The following MAP3K20 variants were observed in gnomAD, a reference collection of about 807,000 sequenced individuals.
MAP3K20 encodes HCCS-4.
A neutral mutation model predicts 85.7 loss-of-function variants in MAP3K20; 40 were observed. That is an observed-to-expected ratio of 0.47 (90% CI 0.36 to 0.61). MAP3K20 has a LOEUF of 0.61. Among genes scored for constraint, MAP3K20 ranks in the 20% least tolerant of loss-of-function variants. The pLI is 0.00. For synonymous variants in MAP3K20, 325 were observed against 327.7 expected (o/e 0.99, Z 0.09); for missense variants, 817 against 961.7 (o/e 0.85, Z 1.99).
At chr2:173,076,970 T>C (rs895218296) in intron 1 of MAP3K20, among the ~76,000 whole-genome samples, 1 of 152,262 alleles carries the variant, frequency 6.6e-6, no homozygotes, top group South Asian at 2.1e-4. Flanking sequence ...GAAAATGTTA[T>C]GTTTCTGATG....
intron 2 of MAP3K20, among the ~76,000 whole-genome samples, chr2:173,111,263 A>G (rs1354547914): frequency 6.6e-6 from 1 of 151,942 alleles, no homozygotes; most frequent in Non-Finnish European, 1.5e-5. Context: ...TCCTTAGCCC[A>G]CTTTTTATGG....
intron 2 of MAP3K20, among the ~76,000 whole-genome samples, chr2:173,129,369 A>G (rs1156722151): frequency 1.3e-5 from 2 of 152,206 alleles, no homozygotes; most frequent in African/African-American, 2.4e-5. Context: ...GGTAAGCACT[A>G]TCATAGCTCA....
At chr2:173,242,177 A>AT (rs111864866) in intron 16 of MAP3K20, among the ~76,000 whole-genome samples, 20,375 of 142,600 alleles carry the variant, frequency 0.14, 1,590 homozygotes, top group African/African-American at 0.2. Flanking sequence ...AGAAAAAAAA[A>AT]TTTTTTTTTT....
At chr2:173,142,989 C>T (rs963605924) in intron 2 of MAP3K20, among the ~76,000 whole-genome samples, 1 of 151,234 alleles carries the variant, frequency 6.6e-6, no homozygotes, top group African/African-American at 2.4e-5. Context: ...ATCACACCAT[C>T]GCACTCCAGC....
chr2:173,172,863 C>T (rs147115296), intron 3 of MAP3K20, among the ~76,000 whole-genome samples: 1,928 of 151,208 alleles, frequency 0.013, 22 homozygotes, highest in Middle Eastern at 0.024. Flanking sequence ...AGTGGTGCAA[C>T]CTAGGCTCAC....
chr2:173,077,911 T>G (rs1425451101), intron 1 of MAP3K20, among the ~76,000 whole-genome samples: 1 of 152,258 alleles, frequency 6.6e-6, no homozygotes, highest in Non-Finnish European at 1.5e-5. Context: ...ACTGTGTATT[T>G]TAACTTAGCA....
chr2:173,112,618 T>C (rs1394556735), intron 2 of MAP3K20, among the ~76,000 whole-genome samples: 1 of 152,174 alleles, frequency 6.6e-6, no homozygotes, highest in Non-Finnish European at 1.5e-5. Context: ...AGAGTTTTAA[T>C]CATAAAGCGA....
chr2:173,114,292 T>G (rs1688056469), intron 2 of MAP3K20, among the ~76,000 whole-genome samples: 1 of 152,140 alleles, frequency 6.6e-6, no homozygotes, highest in Non-Finnish European at 1.5e-5. Flanking sequence ...GCTAGGTGAG[T>G]CTCCTGAAGA....
At chr2:173,197,185 A>G (rs1188031695) in intron 7 of MAP3K20, among the ~76,000 whole-genome samples, 1 of 152,168 alleles carries the variant, frequency 6.6e-6, no homozygotes, top group Non-Finnish European at 1.5e-5. Flanking sequence ...CTCCATTTGT[A>G]TAAACAGGGA....
intron 18 of MAP3K20, among the ~76,000 whole-genome samples, chr2:173,262,087 A>T (rs1685308449): frequency 1.3e-5 from 2 of 152,062 alleles, no homozygotes; most frequent in South Asian, 4.1e-4. Context: ...AGGCTCAGAG[A>T]GATGAAAGGA....
At position 173,124,714 on chromosome 2, in the gene MAP3K20, C is replaced by T. The variant is rs562982515; in HGVS notation, c.159+33524C>T. 2.0e-5 allele frequency among the ~76,000 whole-genome samples: 3 copies of T among 152,312 alleles called. No individual in the cohort carries two copies. The East Asian group carries it at 5.8e-4, about 29-fold the overall frequency. On this transcript the variant is annotated intron_variant, in intron 2 of 19. Transcript: ENST00000375213. ...TGCTGAAGGGTGAGCTCAACTGGAT[C>T]TCCTGCACTCTGCTGGCAGCCAGAC...
chr2:173,223,363 G>C, intron 11 of MAP3K20: 1 of 879,800 alleles, frequency 1.1e-6, no homozygotes, highest in Non-Finnish European at 1.4e-6. Flanking sequence ...TACTTGAAAG[G>C]ATCATTGTGC....
chr2:173,083,779 G>A (rs1178024401), intron 1 of MAP3K20, among the ~76,000 whole-genome samples: 2 of 152,156 alleles, frequency 1.3e-5, no homozygotes, highest in Admixed American at 6.5e-5. Context: ...AATAATACTA[G>A]CATAAATATC....
At chr2:173,098,187 G>C (rs566911072) in intron 2 of MAP3K20, among the ~76,000 whole-genome samples, 2 of 152,300 alleles carry the variant, frequency 1.3e-5, no homozygotes, top group African/African-American at 4.8e-5. Context: ...TCGCTATTGA[G>C]TTCTGGCATA....
Position 173,191,029 on chromosome 2 carries a change from T to C in MAP3K20, c.445-11T>C. 1 of 1,613,464 alleles carries C rather than the reference T, an allele frequency of 6.2e-7. No homozygotes were observed. The highest frequency in any genetic ancestry group is 8.5e-7 in the Non-Finnish European group (1 of 1,179,768). The stretch of plus-strand genomic sequence containing the variant: ...TAAGTAGAAAGTTGACACTGATTCC[T>C]GTTTTCTCAGATCTGTGACTTTGGT... On this transcript the variant is annotated splice_polypyrimidine_tract_variant and intron_variant, in intron 6 of 19. Transcript: ENST00000375213.
At chr2:173,077,565 A>G (rs1191836825) in intron 1 of MAP3K20, among the ~76,000 whole-genome samples, 1 of 152,184 alleles carries the variant, frequency 6.6e-6, no homozygotes, top group African/African-American at 2.4e-5. Context: ...TGCACTGTTT[A>G]TTTTAATCTA....
chr2:173,088,181 A>G (rs945867821), intron 1 of MAP3K20, among the ~76,000 whole-genome samples: 2 of 152,248 alleles, frequency 1.3e-5, no homozygotes, highest in Non-Finnish European at 1.5e-5. Flanking sequence ...AAACAACAAC[A>G]AAAAAGCAAA....
chr2:173,093,906 A>G (rs1056840047), intron 2 of MAP3K20, among the ~76,000 whole-genome samples: 1 of 149,158 alleles, frequency 6.7e-6, no homozygotes, highest in African/African-American at 2.5e-5. Flanking sequence ...ACCAAACACC[A>G]CATATTCTCA....
intron 16 of MAP3K20, among the ~76,000 whole-genome samples, chr2:173,254,811 A>G (rs1374658528): frequency 1.3e-5 from 2 of 152,192 alleles, no homozygotes; most frequent in African/African-American, 2.4e-5. Flanking sequence ...AAGGAATTCC[A>G]TTACTTTATT....
Sources: allele counts gnomAD v4.1 joint callset (sites outside exome capture counted in the v4.1 genomes callset), GRCh38; gene constraint gnomAD v4.1.1; transcripts MANE v1.5; gene names NCBI Gene and HGNC (gene_info 2026-07-23, HGNC 2026-07-21).